TOX2: variants seen among roughly 807,000 people sequenced by gnomAD.
TOX2 encodes the protein granulosa cell HMG box 1.
A neutral mutation model predicts 47.4 loss-of-function variants in TOX2; 15 were observed. The ratio of observed to expected loss-of-function variants is 0.32; its 90% CI spans 0.21 to 0.49. The LOEUF (loss-of-function observed/expected upper bound fraction) is 0.49. TOX2 is among the 20% of genes least tolerant of loss of function. The pLI is 0.99. For synonymous variants in TOX2, 290 were observed against 296.6 expected, an observed-to-expected ratio of 0.98 and a Z score of 0.23; for missense variants, 622 against 673.1, an observed-to-expected ratio of 0.92 and a Z score of 0.84.
intron 3 of TOX2, among the ~76,000 whole-genome samples, chr20:44,022,104 G>A (rs1268957257): frequency 6.6e-6 from 1 of 152,194 alleles, no homozygotes; most frequent in Non-Finnish European, 1.5e-5. Flanking sequence ...GGCCGATGAC[G>A]CTGGAGACAA....
chr20:43,958,466 C>T (rs1301947912), intron 1 of TOX2, among the ~76,000 whole-genome samples: 2 of 152,210 alleles, frequency 1.3e-5, no homozygotes, highest in South Asian at 2.1e-4. Context: ...ACTCTGGACC[C>T]ACTACCTCAC....
At chr20:43,959,583 C>T (rs1301167433) in intron 1 of TOX2, among the ~76,000 whole-genome samples, 1 of 152,204 alleles carries the variant, frequency 6.6e-6, no homozygotes, top group Non-Finnish European at 1.5e-5. Context: ...ACATATTTCC[C>T]TTCCGACAAC....
chr20:43,929,773 G>A (rs1458661258), intron 1 of TOX2, among the ~76,000 whole-genome samples: 3 of 151,946 alleles, frequency 2.0e-5, no homozygotes, highest in African/African-American at 4.8e-5. Context: ...GCAGTGGTGC[G>A]ATCTCAGCTC....
intron 1 of TOX2, among the ~76,000 whole-genome samples, chr20:43,928,934 A>G (rs1055329928): frequency 6.7e-6 from 1 of 148,630 alleles, no homozygotes; most frequent in African/African-American, 2.6e-5. Flanking sequence ...CAGGAGTTCA[A>G]GACCAGCCTG....
At chr20:44,008,504 A>G (rs373004812) in intron 3 of TOX2, among the ~76,000 whole-genome samples, 1 of 152,240 alleles carries the variant, frequency 6.6e-6, no homozygotes. Context: ...AGGTTGCAGT[A>G]AGCTGAGATG....
chr20:44,041,915 G>A (rs908438834), intron 3 of TOX2, among the ~76,000 whole-genome samples: 3 of 152,136 alleles, frequency 2.0e-5, no homozygotes, highest in Admixed American at 6.5e-5. Context: ...CCAAAAAATA[G>A]GCAAAAACAT....
At chr20:43,998,727 CTATCT>C (rs768382745) in intron 2 of TOX2, among the ~76,000 whole-genome samples, 2,093 of 138,610 alleles carry the variant, frequency 0.015, 35 homozygotes, top group African/African-American at 0.037. Context: ...ATACATCTAT[CTATCT>C]ATCTATCTAT....
At chr20:44,068,585 T>G in intron 8 of TOX2, 65 bp from the exon 9 acceptor site, 2 of 1,551,454 alleles carry the variant, frequency 1.3e-6, no homozygotes, top group South Asian at 2.4e-5. Context: ...AGTGCAGGGG[T>G]CCTGGTGCTC....
At chr20:43,994,432 C>T (rs956955170) in intron 2 of TOX2, among the ~76,000 whole-genome samples, 1 of 142,222 alleles carries the variant, frequency 7.0e-6, no homozygotes, top group Admixed American at 7.3e-5. Context: ...GCACTCTAGC[C>T]TGGGTGACAG....
intron 3 of TOX2, among the ~76,000 whole-genome samples, chr20:44,011,453 AG>A (rs1248410413): frequency 2.6e-5 from 4 of 151,230 alleles, no homozygotes; most frequent in Admixed American, 2.6e-4. Context: ...TGCCCGGAAG[AG>A]GCCCCTTAGA....
chr20:44,059,061 G>C (rs966340045), intron 5 of TOX2, among the ~76,000 whole-genome samples: 1 of 152,166 alleles, frequency 6.6e-6, no homozygotes, highest in African/African-American at 2.4e-5. Context: ...GAATTCAGAA[G>C]GTTGATTGTT....
chr20:44,030,042 A>C (rs768357880), intron 3 of TOX2, among the ~76,000 whole-genome samples: 1 of 152,086 alleles, frequency 6.6e-6, no homozygotes, highest in African/African-American at 2.4e-5. Context: ...GCTGGGTACC[A>C]CAAGGGAGTC....
chr20:43,972,010 TTAA>T (rs2069979699), intron 1 of TOX2, among the ~76,000 whole-genome samples: 1 of 152,228 alleles, frequency 6.6e-6, no homozygotes, highest in African/African-American at 2.4e-5. Flanking sequence ...TGAATATATC[TTAA>T]TAAATAAATG....
chr20:43,946,885 C>T (rs1338031153), intron 1 of TOX2, among the ~76,000 whole-genome samples: 3 of 152,174 alleles, frequency 2.0e-5, no homozygotes, highest in South Asian at 4.1e-4. Flanking sequence ...GACCTCTTCT[C>T]GTGCTCTGAT....
At chr20:44,065,061 C>T (rs1254726059) in intron 6 of TOX2, among the ~76,000 whole-genome samples, 1 of 152,238 alleles carries the variant, frequency 6.6e-6, no homozygotes, top group Non-Finnish European at 1.5e-5. Context: ...CTTCTTCCAA[C>T]AAGAACCCAG....
At chr20:43,976,827 C>T (rs1272241851) in intron 2 of TOX2, among the ~76,000 whole-genome samples, 1 of 152,154 alleles carries the variant, frequency 6.6e-6, no homozygotes, top group Non-Finnish European at 1.5e-5. Flanking sequence ...CGTGAACACC[C>T]TCTCACAATG....
At chr20:43,924,867 C>A (rs1011822309) in intron 1 of TOX2, among the ~76,000 whole-genome samples, 13 of 152,268 alleles carry the variant, frequency 8.5e-5, no homozygotes, top group Admixed American at 7.2e-4. Context: ...CTCTGTCCCT[C>A]TCCCTTCTCC....
intron 1 of TOX2, among the ~76,000 whole-genome samples, chr20:43,939,705 A>G (rs2069376442): frequency 6.6e-6 from 1 of 152,214 alleles, no homozygotes; most frequent in Admixed American, 6.5e-5. Context: ...GTGTGGCCTC[A>G]AGAGCTTACT....
Position 44,006,772 on chromosome 20 carries a change from C to G in TOX2, c.391C>G (p.Leu131Val). ...CATGCTAGCACAGGACAGCCACCTG[C>G]TGTCGGGCCAGCTGCCCACGGTGAG... ...SNMLAQDSHLLSGQLPTIQEM... is the reference protein window; with the variant it reads ...SNMLAQDSHLVSGQLPTIQEM... The change falls in exon 3 of 9, where the codon CTG (leucine) becomes GTG (valine). Residue 131 changes from leucine (L) to valine (V), a missense_variant. Physicochemically the swap from Leu to Val is conservative, Grantham distance 32. Coordinates refer to ENST00000341197, the MANE Select transcript of TOX2 (RefSeq NM_001098797.2). The G allele has an allele frequency of 6.2e-7, 1 of 1,613,624 alleles. No individual in the cohort carries two copies. Among genetic ancestry groups the G allele is most frequent in the Middle Eastern group, 1.7e-4 (1 of 6,060 alleles).
Sources: gnomAD v4.1 joint callset for allele counts (sites outside exome capture counted in the v4.1 genomes callset) on GRCh38, gnomAD v4.1.1 for gene constraint, MANE v1.5 for transcripts, NCBI Gene and HGNC (gene_info 2026-07-23, HGNC 2026-07-21) for gene names.